The following GULP1 variants were observed in gnomAD, a reference collection of about 807,000 sequenced individuals.
GULP1 encodes GULP PTB domain containing engulfment adaptor 1, also known as PTB domain-containing engulfment adapter protein 1.
GULP1 carries 19 observed loss-of-function variants against 40.9 expected under a neutral mutation model. That is an observed-to-expected ratio of 0.46 (90% CI 0.32 to 0.68). The LOEUF (loss-of-function observed/expected upper bound fraction) is 0.68. Ranked by LOEUF, GULP1 falls within the 30% of genes least tolerant of loss-of-function variation. The pLI, the probability that GULP1 is intolerant of heterozygous loss-of-function variation, is 0.03. For synonymous variants in GULP1, 119 were observed against 117.6 expected (o/e 1.01, Z -0.08); for missense variants, 312 against 362.2 (o/e 0.86, Z 1.12).
intron 1 of GULP1, among the ~76,000 whole-genome samples, chr2:188,316,232 A>G (rs1209633676): frequency 1.3e-5 from 2 of 152,136 alleles, no homozygotes. Context: ...AAAACTGACA[A>G]GTTTCATCCT....
At chr2:188,456,607 T>G (rs2059288044) in intron 2 of GULP1, among the ~76,000 whole-genome samples, 1 of 152,104 alleles carries the variant, frequency 6.6e-6, no homozygotes, top group Non-Finnish European at 1.5e-5. Context: ...GCTGCAGGGG[T>G]GGGGTCATCA....
At chr2:188,460,952 T>C (rs2059653973) in intron 2 of GULP1, among the ~76,000 whole-genome samples, 1 of 152,240 alleles carries the variant, frequency 6.6e-6, no homozygotes, top group African/African-American at 2.4e-5. Context: ...TATTTGCATA[T>C]GTTAAACCAT....
chr2:188,471,354 A>AT (rs1230197072), intron 2 of GULP1, among the ~76,000 whole-genome samples: 1 of 151,048 alleles, frequency 6.6e-6, no homozygotes, highest in Non-Finnish European at 1.5e-5. Context: ...AGTTTCGTCC[A>AT]TTTATGTTCA....
chr2:188,471,136 C>A (rs2060555320), intron 2 of GULP1, among the ~76,000 whole-genome samples: 1 of 152,030 alleles, frequency 6.6e-6, no homozygotes, highest in South Asian at 2.1e-4. Flanking sequence ...TACTATTTGC[C>A]TTGAAATCTA....
chr2:188,378,867 A>G (rs1453793526), intron 1 of GULP1, among the ~76,000 whole-genome samples: 2 of 152,166 alleles, frequency 1.3e-5, no homozygotes, highest in Non-Finnish European at 2.9e-5. Flanking sequence ...ATTATTGCAT[A>G]TGTATAGTAC....
intron 4 of GULP1, among the ~76,000 whole-genome samples, chr2:188,497,431 T>C (rs1318500132): frequency 6.6e-6 from 1 of 152,002 alleles, no homozygotes. Flanking sequence ...AATGGAAATA[T>C]TTTTAGATAA....
At chr2:188,519,073 A>G (rs2065471070) in intron 4 of GULP1, among the ~76,000 whole-genome samples, 1 of 152,170 alleles carries the variant, frequency 6.6e-6, no homozygotes, top group African/African-American at 2.4e-5. Context: ...AGGAAGTATA[A>G]GGCATAAACT....
At chr2:188,293,754 G>A (rs2034317274) in intron 1 of GULP1, 1 of 152,220 alleles carries the variant, frequency 6.6e-6, no homozygotes, top group Non-Finnish European at 1.5e-5. Context: ...CTGTCCAGGA[G>A]TGTTTTCCAA....
chr2:188,445,551 CTT>C (rs1029755669), intron 2 of GULP1, among the ~76,000 whole-genome samples: 1 of 152,092 alleles, frequency 6.6e-6, no homozygotes, highest in Non-Finnish European at 1.5e-5. Context: ...CATCATGTCT[CTT>C]ATATCTATTT....
chr2:188,354,798 A>G (rs143626051), intron 1 of GULP1, among the ~76,000 whole-genome samples: 27 of 152,348 alleles, frequency 1.8e-4, no homozygotes, highest in Middle Eastern at 3.4e-3. Flanking sequence ...CATATGTTAG[A>G]TGAAAAAATA....
chr2:188,522,103 C>T (rs2065844870), intron 4 of GULP1, among the ~76,000 whole-genome samples: 1 of 151,902 alleles, frequency 6.6e-6, no homozygotes, highest in Admixed American at 6.6e-5. Flanking sequence ...AAAACAAAAC[C>T]AAAAAACAGT....
chr2:188,442,915 C>G (rs553743893), intron 2 of GULP1, among the ~76,000 whole-genome samples: 19 of 152,266 alleles, frequency 1.2e-4, no homozygotes, highest in African/African-American at 4.1e-4. Context: ...AACAGCCTGT[C>G]TATCAGCTTT....
intron 2 of GULP1, among the ~76,000 whole-genome samples, chr2:188,438,971 A>AT (rs1440377139): frequency 6.6e-6 from 1 of 152,098 alleles, no homozygotes; most frequent in Non-Finnish European, 1.5e-5. Context: ...TTTGGAACCA[A>AT]TCCTTTCTTA....
intron 7 of GULP1, among the ~76,000 whole-genome samples, chr2:188,554,862 C>T (rs768020473): frequency 1.3e-5 from 2 of 151,874 alleles, no homozygotes; most frequent in African/African-American, 4.8e-5. Flanking sequence ...ATTGTTATAT[C>T]GTCTCACTGG....
At chr2:188,569,169 G>A (rs1176523386) in intron 7 of GULP1, 70 bp from the exon 8 acceptor site, 1 of 821,536 alleles carries the variant, frequency 1.2e-6, no homozygotes. Context: ...TTATATGAAT[G>A]TTGTTTTCTC....
At chr2:188,458,037 T>C (rs1413688797) in intron 2 of GULP1, among the ~76,000 whole-genome samples, 1 of 152,158 alleles carries the variant, frequency 6.6e-6, no homozygotes, top group African/African-American at 2.4e-5. Context: ...TCAGAACTAA[T>C]ACCTACTCCT....
intron 2 of GULP1, among the ~76,000 whole-genome samples, chr2:188,447,531 C>G (rs1403984057): frequency 1.3e-5 from 2 of 152,120 alleles, no homozygotes; most frequent in Admixed American, 1.3e-4. Flanking sequence ...TGTTCAAACT[C>G]TAATATCCAT....
intron 1 of GULP1, among the ~76,000 whole-genome samples, chr2:188,368,951 A>G (rs1311014815): frequency 6.0e-4 from 68 of 112,790 alleles, no homozygotes; most frequent in Middle Eastern, 4.2e-3. Context: ...ATATATATAT[A>G]TATATATATA....
At chr2:188,463,241 A>C (rs1223444075) in intron 2 of GULP1, among the ~76,000 whole-genome samples, 3 of 152,078 alleles carry the variant, frequency 2.0e-5, no homozygotes, top group Non-Finnish European at 4.4e-5. Context: ...TTGTCTGGTA[A>C]AAGGTTTATT....
Sources: allele counts gnomAD v4.1 joint callset (sites outside exome capture counted in the v4.1 genomes callset), GRCh38; gene constraint gnomAD v4.1.1; transcripts MANE v1.5; gene names NCBI Gene and HGNC (gene_info 2026-07-23, HGNC 2026-07-21).